Variants in SULF1 observed in about 807,000 individuals in gnomAD.
The protein encoded by SULF1 is sulfatase 1, also known as extracellular sulfatase Sulf-1.
A neutral mutation model predicts 110.5 loss-of-function variants in SULF1; 46 were observed. The ratio of observed to expected loss-of-function variants is 0.42; its 90% CI spans 0.33 to 0.53. SULF1 has a LOEUF of 0.53. Ranked by LOEUF, SULF1 falls within the 20% of genes least tolerant of loss-of-function variation. The probability of loss-of-function intolerance (pLI) is 0.12; values close to 1 mark genes in which losing one functional copy is unlikely to be tolerated. For missense variants in SULF1, 941 were observed against 1,094.2 expected, an observed-to-expected ratio of 0.86 and a Z score of 1.98; for synonymous variants, 371 against 387.1, an observed-to-expected ratio of 0.96 and a Z score of 0.49.
intron 8 of SULF1, among the ~76,000 whole-genome samples, chr8:69,599,077 G>A (rs1451021275): frequency 6.6e-6 from 1 of 152,174 alleles, no homozygotes; most frequent in Non-Finnish European, 1.5e-5. Context: ...GTATCACCGT[G>A]AATCTCAGAA....
chr8:69,526,396 G>A (rs1812661844), intron 3 of SULF1, among the ~76,000 whole-genome samples: 1 of 151,832 alleles, frequency 6.6e-6, no homozygotes, highest in African/African-American at 2.4e-5. Context: ...CTGTTCAAAT[G>A]ACTGACTTTT....
rs74786819 is a variant in SULF1 at position 69,512,042 on chromosome 8, A to G, written c.-134+10074A>G. Among the ~76,000 whole-genome samples, 769 of 152,308 alleles carry G rather than the reference A, an allele frequency of 5.0e-3. 7 individuals carry two copies. Among genetic ancestry groups the G allele is most frequent in the African/African-American group, 0.017 (705 of 41,570 alleles). ...CATCACGAAGAGAAGTTTCCTAAGT[A>G]TTATGGAGATGTTTCACACAGCATA... On this transcript the variant is annotated intron_variant, in intron 3 of 22. Coordinates refer to ENST00000402687, the MANE Select transcript of SULF1 (RefSeq NM_001128205.2).
chr8:69,489,870 G>A (rs1423808597), upstream of SULF1, among the ~76,000 whole-genome samples: 9 of 151,990 alleles, frequency 5.9e-5, no homozygotes. Context: ...CAAGAATACT[G>A]TCGGGACACA....
At chr8:69,571,857 G>T (rs1193843638) in intron 5 of SULF1, among the ~76,000 whole-genome samples, 3 of 152,218 alleles carry the variant, frequency 2.0e-5, no homozygotes, top group Admixed American at 6.5e-5. Flanking sequence ...GCCATTAAAA[G>T]GTGCTCGATG....
chr8:69,611,689 T>C (rs560788872), intron 13 of SULF1, among the ~76,000 whole-genome samples: 1 of 152,332 alleles, frequency 6.6e-6, no homozygotes, highest in Admixed American at 6.5e-5. Flanking sequence ...ATCACAAAAT[T>C]ACTATACAGT....
chr8:69,631,926 T>C (rs1267693417), intron 19 of SULF1, among the ~76,000 whole-genome samples: 4 of 152,270 alleles, frequency 2.6e-5, no homozygotes, highest in African/African-American at 9.6e-5. Context: ...TCATAGTTTT[T>C]TTGACTACTG....
intron 8 of SULF1, among the ~76,000 whole-genome samples, chr8:69,591,878 A>C (rs1378321689): frequency 6.6e-6 from 1 of 152,164 alleles, no homozygotes; most frequent in Non-Finnish European, 1.5e-5. Flanking sequence ...AGCCAAGTCG[A>C]GTAGTTGTGT....
intron 3 of SULF1, among the ~76,000 whole-genome samples, chr8:69,553,903 C>T (rs1025074439): frequency 6.6e-6 from 1 of 152,176 alleles, no homozygotes; most frequent in Non-Finnish European, 1.5e-5. Flanking sequence ...TTAAAATCAG[C>T]CCAACCCTGT....
chr8:69,641,590 G>A (rs1433097573), intron 22 of SULF1, among the ~76,000 whole-genome samples: 1 of 151,882 alleles, frequency 6.6e-6, no homozygotes, highest in Non-Finnish European at 1.5e-5. Flanking sequence ...TTTTTAACTA[G>A]CCAGGTGTGG....
rs561561170 is a variant in SULF1 at position 69,565,289 on chromosome 8, A to G, written c.172+1142A>G. On this transcript the variant is annotated intron_variant, in intron 5 of 22. Coordinates refer to ENST00000402687, the MANE Select transcript of SULF1 (RefSeq NM_001128205.2). ...CAGGCCAAAATGAAAGGTGTCACAC[A>G]TACATGAGTGTGTATTTAGCACATA... Among the ~76,000 whole-genome samples the G allele has an allele frequency of 2.6e-5, 4 of 152,216 alleles. No homozygotes were observed. In the East Asian group the frequency reaches 5.8e-4, roughly 22 times the overall value.
At chr8:69,622,885 G>A (rs1332402916) in intron 14 of SULF1, among the ~76,000 whole-genome samples, 2 of 152,142 alleles carry the variant, frequency 1.3e-5, no homozygotes, top group African/African-American at 2.4e-5. Context: ...TGTCACGGAG[G>A]TTGCTCCCTG....
Position 69,530,549 on chromosome 8 carries a change from A to G in SULF1, c.-134+28581A>G, listed in dbSNP as rs551035368. Among the ~76,000 whole-genome samples the G allele has an allele frequency of 3.9e-5, 6 of 152,288 alleles. No individual in the cohort carries two copies. The South Asian group carries it at 1.2e-3, about 32-fold the overall frequency. On this transcript the variant is annotated intron_variant, in intron 3 of 22. Transcript: ENST00000402687. ...ACTTGGTTATGCCTGTTCTGCTTTG[A>G]CTTCTCTCATCGATAAAATCACCAT... is the stretch of plus-strand genomic sequence containing the variant.
upstream of SULF1, among the ~76,000 whole-genome samples, chr8:69,489,474 T>G (rs1364062048): frequency 6.6e-6 from 1 of 151,812 alleles, no homozygotes; most frequent in Non-Finnish European, 1.5e-5. Flanking sequence ...AGGTAAATAT[T>G]GACAAACTTT....
chr8:69,560,242 C>T (rs1428722164), intron 3 of SULF1, among the ~76,000 whole-genome samples: 1 of 152,092 alleles, frequency 6.6e-6, no homozygotes, highest in Non-Finnish European at 1.5e-5. Flanking sequence ...CCCCTTAAAC[C>T]TTTGGGAGCA....
At position 69,560,969 on chromosome 8, in the gene SULF1, T is replaced by C. The variant is rs1815442717; in HGVS notation, c.-133-2570T>C. On this transcript the variant is annotated intron_variant, in intron 3 of 22. Transcript: ENST00000402687. ...GTAGGTATGAATTCCCTGAATTGAA[T>C]GTTGGTGGTGGTGGGAAGAAGCTGA... Among the ~76,000 whole-genome samples the C allele has an allele frequency of 2.6e-5, 4 of 152,198 alleles. No individual in the cohort carries two copies. In the South Asian group the frequency reaches 8.3e-4, roughly 32 times the overall value.
intron 1 of SULF1, among the ~76,000 whole-genome samples, chr8:69,467,739 G>A (rs1808914471): frequency 6.6e-6 from 1 of 152,146 alleles, no homozygotes; most frequent in Non-Finnish European, 1.5e-5. Context: ...GTTTTAGACC[G>A]GCTAAGTGAA....
Position 69,623,989 on chromosome 8 carries a change from G to T in SULF1, c.1642G>T (p.Val548Phe), listed in dbSNP as rs762476310. 2.5e-6 allele frequency: 4 copies of T among 1,614,034 alleles called. No individual in the cohort carries two copies. The highest frequency in any genetic ancestry group is 2.2e-5 in the East Asian group (1 of 44,900). Residue 548 changes from valine (V) to phenylalanine (F), a missense_variant, in exon 15 of 23, where the codon GTC (valine) becomes TTC (phenylalanine). This residue lies in a region of SULF1 where 822 missense variants were observed against 934.3 expected (regional missense o/e 0.88). Transcript: ENST00000402687. ...VHTRQTRSLS[V>F]EFEGEIYDIN... ...TACTCGGCAGACACGTTCCTTGTCC[G>T]TCGAATTTGAAGGTGAAATATATGA...
intron 19 of SULF1, among the ~76,000 whole-genome samples, chr8:69,635,096 G>T (rs1025274979): frequency 2.0e-5 from 3 of 152,142 alleles, no homozygotes; most frequent in Non-Finnish European, 4.4e-5. Flanking sequence ...GCACCTGACC[G>T]TGTAAAAATA....
chr8:69,658,845 G>A lies in SULF1; in HGVS notation c.*310G>A, dbSNP rs111938908. ...ATAAGGTTGGGAAAACACCTCATTTGACCTTGCCAGCTGACCTTCAAACCC... is the reference window on the plus strand; with the variant it reads ...ATAAGGTTGGGAAAACACCTCATTTAACCTTGCCAGCTGACCTTCAAACCC... On this transcript the variant is annotated 3_prime_UTR_variant, in exon 23 of 23. Transcript: ENST00000402687. 18 of 559,960 alleles carry A rather than the reference G, an allele frequency of 3.2e-5. No individual in the cohort carries two copies. The highest frequency in any genetic ancestry group is 5.8e-5 in the Non-Finnish European group (17 of 294,148). The allele number at this position is 559,960 out of a possible 1,614,324, so 34.7% of individuals were successfully genotyped here. A position where few individuals can be genotyped will look rare whatever the true frequency, so the allele number is the denominator to read the frequency against.
Sources: gnomAD v4.1 joint callset for allele counts (sites outside exome capture counted in the v4.1 genomes callset) on GRCh38, gnomAD v4.1.1 for gene constraint, gnomAD v4.1.1 regional missense constraint, MANE v1.5 for transcripts, NCBI Gene and HGNC (gene_info 2026-07-23, HGNC 2026-07-21) for gene names.